CUBN: variants seen among roughly 807,000 people sequenced by gnomAD.
CUBN encodes the protein cubilin.
CUBN carries 282 observed loss-of-function variants against 405.3 expected under a neutral mutation model. The ratio of observed to expected loss-of-function variants is 0.70; its 90% CI spans 0.63 to 0.77. The LOEUF (loss-of-function observed/expected upper bound fraction) is 0.77, where lower values mean the gene tolerates loss of function less well. CUBN is among the 30% of genes least tolerant of loss of function. The probability of loss-of-function intolerance (pLI) is 0.00; values close to 1 mark genes in which losing one functional copy is unlikely to be tolerated. For synonymous variants in CUBN, 1,684 were observed against 1,617.0 expected (o/e 1.04, Z -0.99); for missense variants, 4,514 against 4,475.2 (o/e 1.01, Z -0.25).
intron 2 of CUBN, among the ~76,000 whole-genome samples, 160 bp from the exon 3 acceptor site, chr10:17,128,084 T>G (rs546996611): frequency 9.8e-5 from 15 of 152,352 alleles, no homozygotes; most frequent in Non-Finnish European, 1.9e-4. Flanking sequence ...TAATAAACAC[T>G]GGGCTAAAAT....
intron 10 of CUBN, among the ~76,000 whole-genome samples, chr10:17,105,883 G>C (rs984435514): frequency 1.3e-5 from 2 of 152,370 alleles, no homozygotes; most frequent in African/African-American, 4.8e-5. Flanking sequence ...ACCTGGGGAA[G>C]ACAGACATTC....
At chr10:17,123,426 C>G in intron 5 of CUBN, 162 bp downstream of exon 5, 1 of 693,168 alleles carries the variant, frequency 1.4e-6, no homozygotes, top group Admixed American at 2.1e-5. Flanking sequence ...CAATCATACT[C>G]ACCACTGTTT....
chr10:17,013,773 C>A (rs2131768948), intron 28 of CUBN, among the ~76,000 whole-genome samples: 1 of 152,294 alleles, frequency 6.6e-6, no homozygotes, highest in Middle Eastern at 3.4e-3. Context: ...AGTTGCTGGT[C>A]CCTGGGGGAA....
intron 31 of CUBN, among the ~76,000 whole-genome samples, chr10:16,968,650 A>T (rs1365383177): frequency 6.6e-6 from 1 of 152,230 alleles, no homozygotes; most frequent in African/African-American, 2.4e-5. Context: ...ACTGAGCTAC[A>T]AGCAGCCTTT....
Position 16,906,398 on chromosome 10 carries a change from A to C in CUBN, c.7717T>G (p.Ser2573Ala), listed in dbSNP as rs1302210810. The change falls in exon 50 of 67, where the codon TCT (serine) becomes GCT (alanine). Residue 2573 changes from serine (S) to alanine (A), a missense_variant. Physicochemically the swap from Ser to Ala is moderately conservative, Grantham distance 99 (BLOSUM62 1). This residue lies in a region of CUBN where 1,613 missense variants were observed against 1,542.8 expected (regional missense o/e 1.05). Transcript: ENST00000377833. Reference sequence around the variant, plus strand: ...TTTCCTTCAGGAGTATTTGGAAGAGACCCACCACACACTAAGAAAACAGAA... The same window carrying C: ...TTTCCTTCAGGAGTATTTGGAAGAGCCCCACCACACACTAAGAAAACAGAA... ...TSSEDAVCGG[S>A]LPNTPEGNFT... 1 of 1,612,666 alleles carries C rather than the reference A, an allele frequency of 6.2e-7. No individual in the cohort carries two copies. The highest frequency in any genetic ancestry group is 8.5e-7 in the Non-Finnish European group (1 of 1,178,700).
At chr10:17,028,225 AT>A (rs890250921) in intron 27 of CUBN, among the ~76,000 whole-genome samples, 3 of 61,208 alleles carry the variant, frequency 4.9e-5, no homozygotes, top group Non-Finnish European at 6.7e-5. Context: ...AACACTAAAC[AT>A]TTATTATTAT....
At chr10:17,092,673 T>C (rs1350177215) in intron 14 of CUBN, among the ~76,000 whole-genome samples, 11 of 152,118 alleles carry the variant, frequency 7.2e-5, no homozygotes, top group Admixed American at 6.5e-5. Context: ...AGTTTACAAA[T>C]GCCATGGTAA....
chr10:16,927,377 G>A (rs1282476738), intron 41 of CUBN, among the ~76,000 whole-genome samples: 2 of 152,120 alleles, frequency 1.3e-5, no homozygotes, highest in East Asian at 3.9e-4. Flanking sequence ...TAGTTCCAAA[G>A]CCCATGCTCT....
intron 22 of CUBN, among the ~76,000 whole-genome samples, chr10:17,056,170 G>A (rs1835390580): frequency 6.6e-6 from 1 of 152,096 alleles, no homozygotes; most frequent in African/African-American, 2.4e-5. Context: ...TTCAGTGGGA[G>A]TGGGGGTGAA....
chr10:17,108,574 G>T (rs1323934057), intron 10 of CUBN, among the ~76,000 whole-genome samples: 1 of 151,924 alleles, frequency 6.6e-6, no homozygotes, highest in Non-Finnish European at 1.5e-5. Context: ...TGATGCTACG[G>T]ATAAAAAATA....
At chr10:17,010,311 T>C (rs1588577855) in intron 28 of CUBN, among the ~76,000 whole-genome samples, 1 of 152,216 alleles carries the variant, frequency 6.6e-6, no homozygotes, top group Non-Finnish European at 1.5e-5. Flanking sequence ...ATCCAATCCC[T>C]GCATTTAACG....
At position 16,946,618 on chromosome 10, in the gene CUBN, C is replaced by T. The variant is rs991477610; in HGVS notation, c.5342+617G>A. Among the ~76,000 whole-genome samples, 12 of 151,872 alleles carry T rather than the reference C, an allele frequency of 7.9e-5. No individual in the cohort carries two copies. In the South Asian group the frequency reaches 2.5e-3, roughly 32 times the overall value. On this transcript the variant is annotated intron_variant, in intron 36 of 66. Coordinates refer to ENST00000377833, the MANE Select transcript of CUBN (RefSeq NM_001081.4). ...TCAGGGCATTCTCCTGCCTCAGCCTCCCAAGCAGCTGGGATTACAGGTGCC... is the reference window on the plus strand; with the variant it reads ...TCAGGGCATTCTCCTGCCTCAGCCTTCCAAGCAGCTGGGATTACAGGTGCC...
chr10:17,125,914 G>A (rs1837172208), intron 4 of CUBN, among the ~76,000 whole-genome samples: 2 of 152,154 alleles, frequency 1.3e-5, no homozygotes, highest in South Asian at 4.1e-4. Context: ...GTGGAGAAAA[G>A]GAATACACGA....
intron 17 of CUBN, among the ~76,000 whole-genome samples, chr10:17,073,739 C>T (rs542315885): frequency 6.6e-6 from 1 of 152,272 alleles, no homozygotes; most frequent in East Asian, 1.9e-4. Context: ...AGCCACTGCG[C>T]CCGGCCAAAT....
At chr10:16,956,741 C>T (rs1486043308) in intron 31 of CUBN, among the ~76,000 whole-genome samples, 1 of 152,028 alleles carries the variant, frequency 6.6e-6, no homozygotes, top group African/African-American at 2.4e-5. Flanking sequence ...GAGAATACAC[C>T]AATTGAATCT....
rs1345035585 is a variant in CUBN at position 16,836,271 on chromosome 10, T to C, written c.10144A>G (p.Arg3382Gly). ...MVIFKSGVVN[R>G]NSRMSFTYQI... ...TAGGTGAAACTCATTCTAGAGTTTC[T>C]GTTTACAACTCCAGATTTGAAAATG... The change falls in exon 63 of 67, where the codon AGA becomes GGA. Residue 3382 changes from arginine to glycine, a missense_variant. By Grantham distance (125) the Arg-to-Gly change is moderately radical (BLOSUM62 -2). Coordinates refer to ENST00000377833, the MANE Select transcript of CUBN (RefSeq NM_001081.4). The C allele has an allele frequency of 6.2e-7, 1 of 1,613,950 alleles. No individual in the cohort carries two copies. The highest frequency in any genetic ancestry group is 1.1e-5 in the South Asian group (1 of 91,088).
Position 16,831,495 on chromosome 10 carries a change from AT to A in CUBN, c.10363-79del. 2.4e-6 allele frequency: 3 copies of A among 1,271,892 alleles called. 1 individual carries two copies. In the South Asian group the frequency reaches 3.6e-5, roughly 15 times the overall value. 78.8% of individuals were successfully genotyped at this position (1,271,892 alleles called of 1,614,324 possible). On this transcript the variant is annotated intron_variant, in intron 64 of 66. Transcript: ENST00000377833. ...ATACATTAAAATGGAGACAATTTGA[AT>A]GATGACATTGGTCGGAAAAGCTTTG...
At chr10:17,021,635 T>G (rs1378641073) in intron 27 of CUBN, among the ~76,000 whole-genome samples, 1 of 152,232 alleles carries the variant, frequency 6.6e-6, no homozygotes. Context: ...ACTGATCAAA[T>G]TATTTTCATT....
chr10:16,884,083 C>A (rs2131389005), intron 56 of CUBN, among the ~76,000 whole-genome samples: 1 of 152,280 alleles, frequency 6.6e-6, no homozygotes, highest in African/African-American at 2.4e-5. Context: ...GGGTTCACGC[C>A]ATTCTCCTGC....
Sources: allele counts gnomAD v4.1 joint callset (sites outside exome capture counted in the v4.1 genomes callset), GRCh38; gene constraint gnomAD v4.1.1; regional missense constraint gnomAD v4.1.1; transcripts MANE v1.5; gene names NCBI Gene and HGNC (gene_info 2026-07-23, HGNC 2026-07-21).